The following ACTL6A variants were observed in gnomAD, a reference collection of about 807,000 sequenced individuals.
ACTL6A encodes actin-like protein 6A.
In ACTL6A, 5 loss-of-function variants were observed where a neutral mutation model predicts 59.2. The ratio of observed to expected loss-of-function variants is 0.08; its 90% CI spans 0.04 to 0.18. The LOEUF is 0.18. Among genes scored for constraint, ACTL6A ranks in the 10% least tolerant of loss-of-function variants. The probability of loss-of-function intolerance (pLI) is 1.00; values close to 1 mark genes in which losing one functional copy is unlikely to be tolerated. For synonymous variants in ACTL6A, 154 were observed against 171.8 expected (o/e 0.90, Z 0.81); for missense variants, 285 against 526.9 (o/e 0.54, Z 4.49).
rs561349566 is a variant in ACTL6A at position 179,582,110 on chromosome 3, AC to A, written c.1026+892del. 7.9e-5 allele frequency among the ~76,000 whole-genome samples: 12 copies of A among 152,296 alleles called. No homozygotes were observed. The South Asian group carries it at 1.9e-3, about 24-fold the overall frequency. ...TATTTTACCTTTATTTCACCTGGTA[AC>A]CTAGTAGGCATGTGATGTTTCTAGG... On this transcript the variant is annotated intron_variant, in intron 11 of 13. Transcript: ENST00000429709.
chr3:179,580,834 T>A (rs1295904288), intron 9 of ACTL6A, 60 bp from the exon 10 acceptor site: 20 of 1,476,144 alleles, frequency 1.4e-5, no homozygotes, highest in Non-Finnish European at 1.8e-5. Context: ...CCTAGTAGTT[T>A]ATAATTTTGA....
chr3:179,586,444 C>T, intron 12 of ACTL6A, 102 bp from the exon 13 acceptor site: 1 of 827,922 alleles, frequency 1.2e-6, no homozygotes, highest in Non-Finnish European at 1.7e-6. Flanking sequence ...GACAATATGG[C>T]GAGGAAGACC....
At chr3:179,580,560 G>T (rs1220722983) in intron 8 of ACTL6A, 80 bp from the exon 9 acceptor site, 5 of 1,007,116 alleles carry the variant, frequency 5.0e-6, no homozygotes, top group Non-Finnish European at 4.4e-6. Context: ...ATTCAGAAAA[G>T]TATTTAAAAT....
At chr3:179,563,344 C>T (rs1717727339) in intron 1 of ACTL6A, among the ~76,000 whole-genome samples, 1 of 152,086 alleles carries the variant, frequency 6.6e-6, no homozygotes, top group Admixed American at 6.5e-5. Flanking sequence ...CCTCTTCCTG[C>T]CTCTGTCCCC....
intron 5 of ACTL6A, chr3:179,575,292 T>C (rs1412752459): frequency 2.3e-6 from 1 of 438,970 alleles, no homozygotes; most frequent in Non-Finnish European, 4.6e-6. Context: ...CACATGCTCC[T>C]ACTCTTGCCC....
At position 179,588,098 on chromosome 3, in the gene ACTL6A, A is replaced by G; in HGVS notation, c.*88A>G. The G allele has an allele frequency of 1.0e-6, 1 of 1,004,416 alleles. No homozygotes were observed. Among genetic ancestry groups the G allele is most frequent in the Non-Finnish European group, 1.4e-6 (1 of 708,736 alleles). 62.2% of individuals were successfully genotyped at this position (1,004,416 alleles called of 1,614,324 possible). The stretch of plus-strand genomic sequence containing the variant: ...CAGGAAAAGAATGACCATCTTTTGT[A>G]GAATGTTTATACATTTTTGCATATT... On this transcript the variant is annotated 3_prime_UTR_variant, in exon 14 of 14. Coordinates refer to ENST00000429709, the MANE Select transcript of ACTL6A (RefSeq NM_004301.5).
intron 6 of ACTL6A, 154 bp from the exon 7 acceptor site, chr3:179,576,466 T>C: frequency 3.8e-6 from 3 of 788,164 alleles, no homozygotes; most frequent in Non-Finnish European, 6.0e-6. Context: ...ATAATGTATA[T>C]TTAAAACTGA....
At chr3:179,571,393 C>T (rs1301565923) in intron 3 of ACTL6A, among the ~76,000 whole-genome samples, 4 of 150,980 alleles carry the variant, frequency 2.6e-5, no homozygotes, top group African/African-American at 9.8e-5. Flanking sequence ...TACACACCAA[C>T]CTGGGTGACA....
intron 1 of ACTL6A, among the ~76,000 whole-genome samples, chr3:179,567,505 G>T (rs1717871819): frequency 6.6e-6 from 1 of 152,170 alleles, no homozygotes. Flanking sequence ...TGTCATAAGG[G>T]TCCATAACAC....
chr3:179,577,946 C>T (rs910648163), intron 8 of ACTL6A, among the ~76,000 whole-genome samples: 1 of 151,948 alleles, frequency 6.6e-6, no homozygotes, highest in Admixed American at 6.6e-5. Flanking sequence ...GTGCAGTGTA[C>T]ATACACATAC....
At chr3:179,572,062 A>G (rs776075930) in intron 3 of ACTL6A, among the ~76,000 whole-genome samples, 11 of 151,456 alleles carry the variant, frequency 7.3e-5, no homozygotes, top group Non-Finnish European at 1.2e-4. Flanking sequence ...AAACGGGAAT[A>G]AAAGGTTATA....
chr3:179,586,856 CAG>C (rs1718510442), intron 13 of ACTL6A: 1 of 510,154 alleles, frequency 2.0e-6, no homozygotes, highest in Non-Finnish European at 3.4e-6. Context: ...CCCTCTCAAA[CAG>C]AGGTGGAAAT....
At chr3:179,574,547 C>T (rs1469830912) in intron 5 of ACTL6A, 80 bp downstream of exon 5, 30 of 994,122 alleles carry the variant, frequency 3.0e-5, no homozygotes, top group Admixed American at 1.5e-4. Context: ...AGAAGACATA[C>T]GCCAATTATT....
chr3:179,565,919 A>G (rs1717820755), intron 1 of ACTL6A, among the ~76,000 whole-genome samples: 1 of 152,208 alleles, frequency 6.6e-6, no homozygotes, highest in East Asian at 1.9e-4. Context: ...AAAGAGGTGG[A>G]GGCACAATAT....
chr3:179,584,265 A>C (rs1303064679), intron 12 of ACTL6A: 1 of 152,088 alleles, frequency 6.6e-6, no homozygotes, highest in Non-Finnish European at 1.5e-5. Flanking sequence ...GAATAGAAAA[A>C]CTCGGTTTGA....
In ACTL6A at chr3:179,588,134, C is replaced by T; in HGVS notation, c.*124C>T. 1 of 701,916 alleles carries T rather than the reference C, an allele frequency of 1.4e-6. No homozygotes were observed. Among genetic ancestry groups the T allele is most frequent in the Non-Finnish European group, 2.1e-6 (1 of 469,562 alleles). 43.5% of individuals were successfully genotyped at this position (701,916 alleles called of 1,614,324 possible). The stretch of plus-strand genomic sequence containing the variant: ...ACATTTTTGCATATTTCAATTTCCA[C>T]TTAAATTTTTTAAAGCTTTAACTGG... On this transcript the variant is annotated 3_prime_UTR_variant, in exon 14 of 14. Coordinates refer to ENST00000429709, the MANE Select transcript of ACTL6A (RefSeq NM_004301.5).
At chr3:179,573,835 A>G (rs1475016020) in intron 4 of ACTL6A, among the ~76,000 whole-genome samples, 1 of 152,166 alleles carries the variant, frequency 6.6e-6, no homozygotes, top group African/African-American at 2.4e-5. Context: ...AGTTTCCAAG[A>G]AAGAATTGAG....
chr3:179,570,160 C>T lies in ACTL6A; in HGVS notation c.196C>T (p.Pro66Ser). The T allele has an allele frequency of 1.9e-6, 3 of 1,614,014 alleles. No individual in the cohort carries two copies. The highest frequency in any genetic ancestry group is 1.6e-4 in the Middle Eastern group (1 of 6,062). Residue 66 changes from proline (P) to serine (S), a missense_variant, in exon 3 of 14, where the codon CCC (proline) becomes TCC (serine). By Grantham distance (74) the Pro-to-Ser change is moderately conservative. Coordinates refer to ENST00000429709, the MANE Select transcript of ACTL6A (RefSeq NM_004301.5). This position sits in a 1 kb window ranked among gnomAD's most constrained non-coding sequence, Gnocchi z 4.3. ...IDGDKGKQGGPTYYIDTNALR... is the reference protein window; with the variant it reads ...IDGDKGKQGGSTYYIDTNALR... Reference sequence around the variant, plus strand: ...TGGCGATAAAGGCAAACAAGGCGGTCCCACCTACTACATAGATACTAATGC... The same window carrying T: ...TGGCGATAAAGGCAAACAAGGCGGTTCCACCTACTACATAGATACTAATGC...
chr3:179,582,644 AT>A (rs1247587967), intron 11 of ACTL6A, among the ~76,000 whole-genome samples: 1 of 152,202 alleles, frequency 6.6e-6, no homozygotes, highest in African/African-American at 2.4e-5. Flanking sequence ...TGTAATTTTA[AT>A]TTTTGGCTGG....
Sources: allele counts gnomAD v4.1 joint callset (sites outside exome capture counted in the v4.1 genomes callset), GRCh38; gene constraint gnomAD v4.1.1; non-coding constraint Gnocchi (gnomAD v3.1); transcripts MANE v1.5; gene names NCBI Gene and HGNC (gene_info 2026-07-23, HGNC 2026-07-21).